The following HLCS variants were observed in gnomAD, a reference collection of about 807,000 sequenced individuals.
HLCS encodes holocarboxylase synthetase.
Under a neutral mutation model 75.0 loss-of-function variants are expected in HLCS, and 53 were observed. That is an observed-to-expected ratio of 0.71 (90% CI 0.57 to 0.89). The LOEUF is 0.89. HLCS is among the 40% of genes least tolerant of loss of function. The pLI, the probability that HLCS is intolerant of heterozygous loss-of-function variation, is 0.00. For synonymous variants in HLCS, 431 were observed against 428.6 expected, an observed-to-expected ratio of 1.01 and a Z score of -0.07; for missense variants, 966 against 1,074.0, an observed-to-expected ratio of 0.90 and a Z score of 1.41.
chr21:36,756,822 T>A (rs2089622526), intron 9 of HLCS, 67 bp from the exon 10 acceptor site: 7 of 1,610,304 alleles, frequency 4.3e-6, no homozygotes, highest in African/African-American at 1.3e-5. Flanking sequence ...CTCTGCCACA[T>A]GGAAAAAGTT....
chr21:36,979,970 G>A (rs1194507135), intron 1 of HLCS, among the ~76,000 whole-genome samples: 1 of 140,654 alleles, frequency 7.1e-6, no homozygotes, highest in Non-Finnish European at 1.5e-5. Context: ...AGGCTGCAGT[G>A]AGCCGCAATC....
At chr21:36,952,380 C>T (rs1482799484) in intron 2 of HLCS, among the ~76,000 whole-genome samples, 1 of 152,158 alleles carries the variant, frequency 6.6e-6, no homozygotes, top group African/African-American at 2.4e-5. Context: ...TGGCTCTGGA[C>T]GTCTCTAGCT....
At chr21:36,916,609 C>T (rs139752600) in intron 5 of HLCS, among the ~76,000 whole-genome samples, 10 of 149,244 alleles carry the variant, frequency 6.7e-5, no homozygotes, top group African/African-American at 1.7e-4. Flanking sequence ...TGGACTCAAG[C>T]GATCCTCCCA....
intron 6 of HLCS, among the ~76,000 whole-genome samples, chr21:36,780,292 G>A (rs2060487498): frequency 6.6e-6 from 1 of 152,002 alleles, no homozygotes. Context: ...GCCCAGGCTG[G>A]AGTGCAGTGG....
intron 6 of HLCS, among the ~76,000 whole-genome samples, chr21:36,891,973 AT>A (rs1244315773): frequency 6.6e-6 from 1 of 152,176 alleles, no homozygotes. Context: ...TTGCTATTAA[AT>A]TGGGAGGGAA....
At chr21:36,816,300 G>C (rs2061661633) in intron 6 of HLCS, among the ~76,000 whole-genome samples, 1 of 152,070 alleles carries the variant, frequency 6.6e-6, no homozygotes, top group African/African-American at 2.4e-5. Flanking sequence ...GGAGGCTGGG[G>C]TGGGAGGATC....
intron 6 of HLCS, among the ~76,000 whole-genome samples, chr21:36,776,616 C>T (rs1018975949): frequency 1.3e-5 from 2 of 151,984 alleles, no homozygotes; most frequent in African/African-American, 4.8e-5. Context: ...GGTTTCACCA[C>T]GTTGGTTGGG....
In HLCS at chr21:36,750,227, G is replaced by GA. The variant is rs201993686; in HGVS notation, c.*4018dup. Among the ~76,000 whole-genome samples, 279 of 150,896 alleles carry GA rather than the reference G, an allele frequency of 1.8e-3. No homozygotes were observed. The highest frequency in any genetic ancestry group is 5.3e-3 in the African/African-American group (216 of 41,048). On this transcript the variant is annotated 3_prime_UTR_variant, in exon 11 of 11. Transcript: ENST00000674895. ...ACATATGCCTCTCTTTTACAAAAAAGAAAAAAAAATCATCGTAGGCCCTAA... is the reference window on the plus strand; with the variant it reads ...ACATATGCCTCTCTTTTACAAAAAAGAAAAAAAAAATCATCGTAGGCCCTAA...
At chr21:36,906,400 G>A (rs2065456742) in intron 5 of HLCS, among the ~76,000 whole-genome samples, 1 of 151,974 alleles carries the variant, frequency 6.6e-6, no homozygotes, top group African/African-American at 2.4e-5. Flanking sequence ...TGGGTGTGGT[G>A]GCATGCACCT....
At chr21:36,780,407 A>G (rs1484518103) in intron 6 of HLCS, among the ~76,000 whole-genome samples, 1 of 151,552 alleles carries the variant, frequency 6.6e-6, no homozygotes, top group Non-Finnish European at 1.5e-5. Flanking sequence ...TTTAGTAGAG[A>G]TGGGGTTTCA....
intron 2 of HLCS, among the ~76,000 whole-genome samples, chr21:36,942,398 C>CAAAAAAAAAAAAAAAA (rs55999516): frequency 8.6e-5 from 7 of 80,934 alleles, no homozygotes; most frequent in African/African-American, 3.5e-4. Flanking sequence ...GACTCCGTCT[C>CAAAAAAAAAAAAAAAA]AAAAAAAAAA....
chr21:36,865,002 C>A lies in HLCS; in HGVS notation c.1892+31858G>T, dbSNP rs555742377. 2.3e-3 allele frequency among the ~76,000 whole-genome samples: 346 copies of A among 151,318 alleles called. 2 individuals carry two copies. Among genetic ancestry groups the A allele is most frequent in the Admixed American group, 6.6e-3 (101 of 15,198 alleles). Reference sequence around the variant, plus strand: ...AATCTTGTCTTTTGCTTTCTGACACCAATATTTCATGTTGCCCTGTCTGCC... The same window carrying A: ...AATCTTGTCTTTTGCTTTCTGACACAAATATTTCATGTTGCCCTGTCTGCC... On this transcript the variant is annotated intron_variant, in intron 6 of 10. Coordinates refer to ENST00000674895, the MANE Select transcript of HLCS (RefSeq NM_001352514.2).
intron 6 of HLCS, among the ~76,000 whole-genome samples, chr21:36,868,253 A>G (rs1029346157): frequency 6.7e-5 from 10 of 150,258 alleles, no homozygotes; most frequent in East Asian, 1.9e-4. Flanking sequence ...GAAAGAAAGA[A>G]AGAGAGAAGG....
intron 10 of HLCS, among the ~76,000 whole-genome samples, chr21:36,755,651 C>T (rs777888382): frequency 2.0e-4 from 30 of 152,216 alleles, no homozygotes; most frequent in East Asian, 1.5e-3. Context: ...ATGCCTCTTT[C>T]GTCTTCTCTA....
At chr21:36,980,013 C>T (rs887967771) in intron 1 of HLCS, among the ~76,000 whole-genome samples, 1 of 107,164 alleles carries the variant, frequency 9.3e-6, no homozygotes, top group Non-Finnish European at 1.7e-5. Context: ...GGCGACAGAG[C>T]AAGTCCCCAT....
At chr21:36,953,430 G>A (rs1445383746) in intron 2 of HLCS, among the ~76,000 whole-genome samples, 1 of 152,176 alleles carries the variant, frequency 6.6e-6, no homozygotes, top group Non-Finnish European at 1.5e-5. Context: ...AACCAAGGAA[G>A]AAGATGAGGA....
At chr21:36,943,111 C>A (rs1028395484) in intron 2 of HLCS, among the ~76,000 whole-genome samples, 1 of 152,128 alleles carries the variant, frequency 6.6e-6, no homozygotes, top group Non-Finnish European at 1.5e-5. Flanking sequence ...AACTCTAATA[C>A]ACTGCTGGTA....
At chr21:36,756,434 G>C (rs2089590496) in intron 10 of HLCS, 108 bp downstream of exon 10, 6 of 717,556 alleles carry the variant, frequency 8.4e-6, no homozygotes, top group Non-Finnish European at 1.2e-5. Context: ...CTGGGCGACA[G>C]AGTGAGACTC....
chr21:36,904,669 T>C (rs895778060), intron 5 of HLCS, among the ~76,000 whole-genome samples: 19 of 152,170 alleles, frequency 1.2e-4, no homozygotes, highest in Non-Finnish European at 2.2e-4. Flanking sequence ...CTGGACAACA[T>C]AAAAATTCTG....
Sources: allele counts gnomAD v4.1 joint callset (sites outside exome capture counted in the v4.1 genomes callset), GRCh38; gene constraint gnomAD v4.1.1; transcripts MANE v1.5; gene names NCBI Gene and HGNC (gene_info 2026-07-23, HGNC 2026-07-21).